The following THSD7A variants were observed in gnomAD, a reference collection of about 807,000 sequenced individuals.
The protein encoded by THSD7A is thrombospondin type-1 domain-containing protein 7A.
THSD7A carries 96 observed loss-of-function variants against 231.3 expected under a neutral mutation model. That is an observed-to-expected ratio of 0.41 (90% CI 0.35 to 0.49). The LOEUF (loss-of-function observed/expected upper bound fraction) is 0.49. Ranked by LOEUF, THSD7A falls within the 20% of genes least tolerant of loss-of-function variation. The pLI is 0.05. For synonymous variants in THSD7A, 940 were observed against 743.3 expected (o/e 1.26, Z -4.30); for missense variants, 2,290 against 2,070.2 (o/e 1.11, Z -2.06).
intron 1 of THSD7A, among the ~76,000 whole-genome samples, chr7:11,824,819 A>T (rs563246228): frequency 3.3e-4 from 50 of 152,280 alleles, no homozygotes; most frequent in African/African-American, 1.2e-3. Flanking sequence ...GCAACTATCC[A>T]GTGACAGCAT....
At position 11,826,194 on chromosome 7, in the gene THSD7A, C is replaced by G. The variant is rs537247355; in HGVS notation, c.190+5563G>C. On this transcript the variant is annotated intron_variant, in intron 1 of 27. Transcript: ENST00000423059. Reference sequence around the variant, plus strand: ...TAGTAATGTCCTGCATTAGATGAATCCAGTTCAAAAGTGTTTAATGTGAGT... The same window carrying G: ...TAGTAATGTCCTGCATTAGATGAATGCAGTTCAAAAGTGTTTAATGTGAGT... Among the ~76,000 whole-genome samples the G allele has an allele frequency of 3.9e-5, 6 of 152,234 alleles. No individual in the cohort carries two copies. The South Asian group carries it at 6.2e-4, about 16-fold the overall frequency.
chr7:11,671,932 C>T (rs946909867), intron 1 of THSD7A, among the ~76,000 whole-genome samples: 1 of 152,024 alleles, frequency 6.6e-6, no homozygotes, highest in Non-Finnish European at 1.5e-5. Flanking sequence ...TAAGAAAGAA[C>T]ATTTATTTCC....
In THSD7A at chr7:11,636,648, A is replaced by G. The variant is rs755298875; in HGVS notation, c.504T>C (p.Pro168=). 47 of 1,613,872 alleles carry G rather than the reference A, an allele frequency of 2.9e-5. No individual in the cohort carries two copies. In the East Asian group the frequency reaches 9.4e-4, roughly 32 times the overall value. Residue 168 remains proline, a synonymous_variant, in exon 2 of 28, where the codon CCT becomes CCC. Transcript: ENST00000423059. This position sits in a 1 kb window ranked among gnomAD's most constrained non-coding sequence, Gnocchi z 10.0. ...AGTACTCACAGATGATATCCTCCGC[A>G]GGAATGTCTTTGTCTTTCTGGATGC... ...IACIQKDKDI[P]AEDIICEYFE...
At chr7:11,421,319 G>A (rs564646230) in intron 16 of THSD7A, among the ~76,000 whole-genome samples, 10 of 152,080 alleles carry the variant, frequency 6.6e-5, no homozygotes, top group Non-Finnish European at 1.3e-4. Context: ...TCTGGTTGTT[G>A]TAAAGTGTGT....
intron 4 of THSD7A, among the ~76,000 whole-genome samples, chr7:11,567,274 G>T (rs539513619): frequency 6.6e-6 from 1 of 152,080 alleles, no homozygotes; most frequent in East Asian, 1.9e-4. Flanking sequence ...TCCCCCTCAA[G>T]GCAGCAGAAA....
At chr7:11,398,217 T>G (rs547650263) in intron 23 of THSD7A, among the ~76,000 whole-genome samples, 1 of 152,114 alleles carries the variant, frequency 6.6e-6, no homozygotes, top group South Asian at 2.1e-4. Context: ...TAAAAAAGGA[T>G]GAGTTCATGT....
At chr7:11,698,775 T>C (rs1332078665) in intron 1 of THSD7A, among the ~76,000 whole-genome samples, 1 of 151,348 alleles carries the variant, frequency 6.6e-6, no homozygotes, top group Admixed American at 6.6e-5. Flanking sequence ...TTTGCTGATT[T>C]CAGAAATGGT....
intron 1 of THSD7A, among the ~76,000 whole-genome samples, chr7:11,712,452 C>G (rs527595249): frequency 4.6e-5 from 7 of 151,092 alleles, no homozygotes; most frequent in African/African-American, 1.7e-4. Flanking sequence ...CAGAAGTCAC[C>G]TAATCTTTAC....
chr7:11,467,472 A>C (rs781476057), intron 9 of THSD7A, among the ~76,000 whole-genome samples: 13 of 151,998 alleles, frequency 8.6e-5, no homozygotes, highest in Non-Finnish European at 1.8e-4. Context: ...TATATACAAA[A>C]ATCAATAAAT....
chr7:11,419,251 T>C (rs1041888445), intron 16 of THSD7A, among the ~76,000 whole-genome samples: 8 of 152,162 alleles, frequency 5.3e-5, no homozygotes, highest in African/African-American at 1.9e-4. Flanking sequence ...TCATGCTGAA[T>C]TGGAATTCTC....
chr7:11,622,633 C>G (rs2128354049), intron 2 of THSD7A, among the ~76,000 whole-genome samples: 1 of 152,262 alleles, frequency 6.6e-6, no homozygotes, highest in Admixed American at 6.5e-5. Context: ...GATAGGTACA[C>G]TACCTCTCCA....
chr7:11,826,656 A>G (rs1785036390), intron 1 of THSD7A, among the ~76,000 whole-genome samples: 1 of 152,078 alleles, frequency 6.6e-6, no homozygotes. Flanking sequence ...TGCTTAAAAT[A>G]CAAAAATTAG....
chr7:11,811,022 A>C (rs1188273662), intron 1 of THSD7A, among the ~76,000 whole-genome samples: 2 of 152,188 alleles, frequency 1.3e-5, no homozygotes, highest in East Asian at 3.8e-4. Context: ...GAAGATGCTG[A>C]ACTTCAAACT....
chr7:11,612,494 G>A (rs1326176458), intron 2 of THSD7A, among the ~76,000 whole-genome samples: 1 of 152,198 alleles, frequency 6.6e-6, no homozygotes, highest in African/African-American at 2.4e-5. Context: ...CATGTGACCA[G>A]ATACTTACTT....
chr7:11,452,436 G>C (rs531621824), intron 11 of THSD7A, among the ~76,000 whole-genome samples: 1 of 152,130 alleles, frequency 6.6e-6, no homozygotes, highest in South Asian at 2.1e-4. Flanking sequence ...ACTACAATTT[G>C]TTGAGTGTAG....
chr7:11,643,752 C>G (rs1635183), intron 1 of THSD7A, among the ~76,000 whole-genome samples: 119,915 of 151,890 alleles, frequency 0.79, 47,782 homozygotes, highest in African/African-American at 0.9. Context: ...TGTTCTATCG[C>G]TGGATGTTTA....
At chr7:11,818,929 T>C (rs535207237) in intron 1 of THSD7A, among the ~76,000 whole-genome samples, 1 of 152,086 alleles carries the variant, frequency 6.6e-6, no homozygotes, top group African/African-American at 2.4e-5. Context: ...ACCAGAACAA[T>C]AAAAAGTGGA....
At position 11,379,159 on chromosome 7, in the gene THSD7A, A is replaced by T. The variant is rs202184861; in HGVS notation, c.4712T>A (p.Val1571Glu). ...TGGATGTACAGCCCGACTGGTTTTCACATCTCCTCTTTTGTCCTCCATGGT... is the reference window on the plus strand; with the variant it reads ...TGGATGTACAGCCCGACTGGTTTTCTCATCTCCTCTTTTGTCCTCCATGGT... ...LPTMEDKRGDVKTSRAVHPTQ... is the reference protein window; with the variant it reads ...LPTMEDKRGDEKTSRAVHPTQ... The change falls in exon 26 of 28, where the codon GTG (valine) becomes GAG (glutamate). Residue 1571 changes from valine (V) to glutamate (E), a missense_variant. By Grantham distance (121) the Val-to-Glu change is moderately radical. Transcript: ENST00000423059. The T allele has an allele frequency of 2.6e-4, 417 of 1,613,690 alleles. No individual in the cohort carries two copies. The African/African-American group carries it at 5.1e-3, about 20-fold the overall frequency.
intron 6 of THSD7A, among the ~76,000 whole-genome samples, chr7:11,492,317 C>A (rs544685854): frequency 6.6e-6 from 1 of 152,100 alleles, no homozygotes; most frequent in African/African-American, 2.4e-5. Context: ...TGTACTCCTA[C>A]TGCTTGGGAT....
Sources: gnomAD v4.1 joint callset for allele counts (sites outside exome capture counted in the v4.1 genomes callset) on GRCh38, gnomAD v4.1.1 for gene constraint, Gnocchi (gnomAD v3.1) non-coding constraint, MANE v1.5 for transcripts, NCBI Gene and HGNC (gene_info 2026-07-23, HGNC 2026-07-21) for gene names.